The following MID1 variants were observed in gnomAD, a reference collection of about 807,000 sequenced individuals.
The protein encoded by MID1 is E3 ubiquitin-protein ligase Midline-1.
MID1 carries 7 observed loss-of-function variants against 40.4 expected under a neutral mutation model. That is an observed-to-expected ratio of 0.17 (90% CI 0.10 to 0.33). MID1 has a LOEUF of 0.33. Among genes scored for constraint, MID1 ranks in the 10% least tolerant of loss-of-function variants. The pLI, the probability that MID1 is intolerant of heterozygous loss-of-function variation, is 1.00. For missense variants in MID1, 367 were observed against 558.5 expected (o/e 0.66, Z 3.46); for synonymous variants, 229 against 221.2 (o/e 1.04, Z -0.31).
At chrX:10,605,795 G>A (rs755988452) in intron 1 of MID1, among the ~76,000 whole-genome samples, 4 of 111,635 alleles carry the variant, frequency 3.6e-5, no homozygotes, top group Admixed American at 1.9e-4. Flanking sequence ...AAGAGGCTTT[G>A]CTGTATTGAA....
At chrX:10,752,449 T>TA (rs779063809) in intron 1 of MID1, among the ~76,000 whole-genome samples, 1 of 111,886 alleles carries the variant, frequency 8.9e-6, no homozygotes, top group Non-Finnish European at 1.9e-5. Flanking sequence ...CATTGGTACC[T>TA]AAAAAATGGG....
At chrX:10,461,329 A>T (rs1929030157) in intron 7 of MID1, among the ~76,000 whole-genome samples, 1 of 109,609 alleles carries the variant, frequency 9.1e-6, no homozygotes, top group Non-Finnish European at 1.9e-5. Flanking sequence ...ATATTTGGAG[A>T]TTCAGCAGAG....
intron 7 of MID1, among the ~76,000 whole-genome samples, chrX:10,461,820 T>G (rs1376476606): frequency 8.9e-6 from 1 of 112,480 alleles, no homozygotes; most frequent in Non-Finnish European, 1.9e-5. Flanking sequence ...GCCTTTATAC[T>G]GTTCCTGTTT....
At chrX:10,706,198 G>A (rs2043230583) in intron 1 of MID1, among the ~76,000 whole-genome samples, 1 of 111,209 alleles carries the variant, frequency 9.0e-6, no homozygotes, top group Non-Finnish European at 1.9e-5. Context: ...TGTGAAATGA[G>A]AACCACTGCT....
chrX:10,598,706 G>A (rs1293052315), intron 1 of MID1, among the ~76,000 whole-genome samples: 2 of 111,914 alleles, frequency 1.8e-5, no homozygotes, highest in Non-Finnish European at 3.8e-5. Context: ...CTATCAAGGA[G>A]TTCAGTCTTA....
intron 3 of MID1, among the ~76,000 whole-genome samples, chrX:10,515,827 G>A (rs1424808947): frequency 8.9e-6 from 1 of 112,248 alleles, no homozygotes; most frequent in Non-Finnish European, 1.9e-5. Flanking sequence ...TGCTGTAAAA[G>A]AACTTGATTA....
At position 10,490,248 on chromosome X, in the gene MID1, G is replaced by A. The variant is rs928877873; in HGVS notation, c.864+5336C>T. The stretch of plus-strand genomic sequence containing the variant: ...TTTTGTAGTTTTCAAGGTCTTTCAA[G>A]TCTCACCCATCTTTTGTTAGATTTA... On this transcript the variant is annotated intron_variant, in intron 4 of 9. Coordinates refer to ENST00000317552, the MANE Select transcript of MID1 (RefSeq NM_000381.4). Among the ~76,000 whole-genome samples the A allele has an allele frequency of 1.7e-4, 19 of 111,657 alleles. No individual in the cohort carries two copies. In the Admixed American group the frequency reaches 1.8e-3, roughly 11 times the overall value.
intron 2 of MID1, among the ~76,000 whole-genome samples, chrX:10,548,772 T>C (rs1933796902): frequency 9.0e-6 from 1 of 111,628 alleles, no homozygotes; most frequent in Admixed American, 9.5e-5. Flanking sequence ...TGGCTTTCTT[T>C]CCACTTCTTC....
intron 1 of MID1, among the ~76,000 whole-genome samples, chrX:10,692,768 A>G (rs944911019): frequency 2.7e-5 from 3 of 112,157 alleles, no homozygotes; most frequent in Non-Finnish European, 5.6e-5. Flanking sequence ...TGGCTACCAT[A>G]TTGAACAGGT....
intron 1 of MID1, among the ~76,000 whole-genome samples, chrX:10,715,198 G>A (rs2043292607): frequency 8.9e-6 from 1 of 112,136 alleles, no homozygotes; most frequent in Admixed American, 9.4e-5. Flanking sequence ...GACAGTGGGT[G>A]CAGGACAGTG....
chrX:10,580,974 C>T (rs910594253), intron 1 of MID1, among the ~76,000 whole-genome samples: 8 of 106,160 alleles, frequency 7.5e-5, no homozygotes, highest in African/African-American at 2.4e-4. Flanking sequence ...AGAGGTCAGG[C>T]GCAGTGGCTC....
chrX:10,486,628 T>C (rs1399170788), intron 4 of MID1, among the ~76,000 whole-genome samples: 1 of 112,173 alleles, frequency 8.9e-6, no homozygotes, highest in African/African-American at 3.2e-5. Context: ...AAGTACTAGC[T>C]CAAGAGAAAA....
chrX:10,594,727 C>T (rs1484492585), intron 1 of MID1, among the ~76,000 whole-genome samples: 1 of 111,578 alleles, frequency 9.0e-6, no homozygotes, highest in East Asian at 2.8e-4. Flanking sequence ...TAGAAAAGGG[C>T]AAAAAGGTCT....
chrX:10,822,752 C>T (rs1380391480), intron 1 of MID1, among the ~76,000 whole-genome samples: 1 of 111,913 alleles, frequency 8.9e-6, no homozygotes, highest in Non-Finnish European at 1.9e-5. Context: ...GAGAGAAATG[C>T]ATATTAAAAC....
intron 7 of MID1, among the ~76,000 whole-genome samples, chrX:10,466,902 T>G (rs1929416601): frequency 8.9e-6 from 1 of 111,915 alleles, no homozygotes; most frequent in African/African-American, 3.2e-5. Context: ...GAAGGGCAAT[T>G]TGGCAATGTC....
intron 1 of MID1, among the ~76,000 whole-genome samples, chrX:10,747,503 T>C (rs2043566522): frequency 8.9e-6 from 1 of 112,366 alleles, no homozygotes; most frequent in African/African-American, 3.2e-5. Flanking sequence ...TTGAAATCAA[T>C]TTTGAATATT....
intron 1 of MID1, among the ~76,000 whole-genome samples, chrX:10,614,582 T>A (rs1935809413): frequency 8.9e-6 from 1 of 111,738 alleles, no homozygotes; most frequent in Non-Finnish European, 1.9e-5. Context: ...TTTCCTGCCA[T>A]GTGGTAGAGA....
chrX:10,569,640 A>G (rs1934667312), intron 1 of MID1, among the ~76,000 whole-genome samples: 1 of 112,257 alleles, frequency 8.9e-6, no homozygotes, highest in Non-Finnish European at 1.9e-5. Context: ...AATGCCTACC[A>G]ATGAATCTGA....
chrX:10,768,199 C>CT (rs778393085), intron 1 of MID1, among the ~76,000 whole-genome samples: 1 of 109,821 alleles, frequency 9.1e-6, no homozygotes, highest in Non-Finnish European at 1.9e-5. Flanking sequence ...AAAAATGAAA[C>CT]TTTTTTTTAA....
Sources: gnomAD v4.1 joint callset for allele counts (sites outside exome capture counted in the v4.1 genomes callset) on GRCh38, gnomAD v4.1.1 for gene constraint, MANE v1.5 for transcripts, NCBI Gene and HGNC (gene_info 2026-07-23, HGNC 2026-07-21) for gene names.